The following SDK1 variants were observed in gnomAD, a reference collection of about 807,000 sequenced individuals.
The protein encoded by SDK1 is sidekick cell adhesion molecule 1.
A neutral mutation model predicts 245.5 loss-of-function variants in SDK1; 157 were observed. That is an observed-to-expected ratio of 0.64 (90% CI 0.56 to 0.73). The LOEUF (loss-of-function observed/expected upper bound fraction) is 0.73. Among genes scored for constraint, SDK1 ranks in the 30% least tolerant of loss-of-function variants. SDK1 has a pLI of 0.00. For missense variants in SDK1, 3,583 were observed against 3,002.3 expected, an observed-to-expected ratio of 1.19 and a Z score of -4.52; for synonymous variants, 1,647 against 1,278.5, an observed-to-expected ratio of 1.29 and a Z score of -6.15.
At chr7:3,789,953 G>A (rs1781029569) in intron 4 of SDK1, among the ~76,000 whole-genome samples, 1 of 152,118 alleles carries the variant, frequency 6.6e-6, no homozygotes, top group Admixed American at 6.5e-5. Flanking sequence ...CAGGAGTGGT[G>A]GGAAGTTTAC....
intron 1 of SDK1, among the ~76,000 whole-genome samples, chr7:3,556,215 C>CGAT (rs142806223): frequency 0.25 from 37,990 of 151,848 alleles, 4,960 homozygotes; most frequent in East Asian, 0.36. Context: ...TACATATACA[C>CGAT]GATGGAGTAT....
At chr7:4,262,561 T>C (rs1788087255) in intron 44 of SDK1, among the ~76,000 whole-genome samples, 1 of 151,696 alleles carries the variant, frequency 6.6e-6, no homozygotes, top group Non-Finnish European at 1.5e-5. Context: ...ATTCAGTACC[T>C]GGCCGGGGAG....
intron 19 of SDK1, among the ~76,000 whole-genome samples, chr7:4,053,519 T>C (rs1325712224): frequency 6.6e-6 from 1 of 152,114 alleles, no homozygotes; most frequent in Admixed American, 6.6e-5. Flanking sequence ...CAGGTCTCCC[T>C]CACTCAAAAT....
chr7:4,250,665 T>C (rs1019704575), intron 44 of SDK1, among the ~76,000 whole-genome samples: 3 of 152,188 alleles, frequency 2.0e-5, no homozygotes, highest in African/African-American at 7.2e-5. Flanking sequence ...TTTTTCTGTG[T>C]AGGGTCTAAC....
At chr7:3,787,146 T>TCACACACACACACACACA (rs34838736) in intron 4 of SDK1, among the ~76,000 whole-genome samples, 9 of 137,678 alleles carry the variant, frequency 6.5e-5, no homozygotes, top group African/African-American at 2.2e-4. Flanking sequence ...AGTATTGAAA[T>TCACACACACACACACACA]CACACACACA....
chr7:3,574,317 C>A lies in SDK1; in HGVS notation c.299-44763C>A, dbSNP rs1780216476. Among the ~76,000 whole-genome samples the A allele has an allele frequency of 2.6e-5, 4 of 151,848 alleles. No homozygotes were observed. In the South Asian group the frequency reaches 8.3e-4, roughly 32 times the overall value. Reference sequence around the variant, plus strand: ...ATTTTTAGTAGAGACAGGGTTTCACCATGTTGGCCAGGCTGGTTTCGAACT... The same window carrying A: ...ATTTTTAGTAGAGACAGGGTTTCACAATGTTGGCCAGGCTGGTTTCGAACT... On this transcript the variant is annotated intron_variant, in intron 1 of 44. Coordinates refer to ENST00000404826, the MANE Select transcript of SDK1 (RefSeq NM_152744.4).
intron 4 of SDK1, among the ~76,000 whole-genome samples, chr7:3,795,551 C>T (rs748417400): frequency 2.2e-4 from 33 of 152,236 alleles, no homozygotes; most frequent in Non-Finnish European, 4.1e-4. Flanking sequence ...TGGAAATTTT[C>T]CTTTTACCCC....
chr7:3,607,198 C>G (rs201058513), intron 1 of SDK1, among the ~76,000 whole-genome samples: 20 of 151,904 alleles, frequency 1.3e-4, no homozygotes, highest in African/African-American at 4.8e-4. Flanking sequence ...GCTGCTGCTG[C>G]TGATCATTTC....
chr7:3,769,114 C>T (rs760355020), intron 4 of SDK1, among the ~76,000 whole-genome samples: 6 of 152,160 alleles, frequency 3.9e-5, no homozygotes, highest in Non-Finnish European at 7.3e-5. Flanking sequence ...GAATTGCATG[C>T]ACTTTTAAGA....
At chr7:4,234,951 C>T (rs905647121) in intron 41 of SDK1, among the ~76,000 whole-genome samples, 1 of 152,304 alleles carries the variant, frequency 6.6e-6, no homozygotes, top group East Asian at 1.9e-4. Context: ...GAAGCTGTTC[C>T]TCTCCTCTGC....
intron 17 of SDK1, among the ~76,000 whole-genome samples, chr7:4,048,301 G>A (rs986580164): frequency 1.3e-5 from 2 of 152,114 alleles, no homozygotes; most frequent in East Asian, 1.9e-4. Flanking sequence ...TGGTGCAGCC[G>A]GAGGCTTGGC....
chr7:3,451,529 A>G (rs1780514178), intron 1 of SDK1, among the ~76,000 whole-genome samples: 1 of 151,502 alleles, frequency 6.6e-6, no homozygotes, highest in African/African-American at 2.4e-5. Flanking sequence ...TGTGATCAAA[A>G]TGACGTCAGT....
chr7:3,394,970 T>C (rs1041849734), intron 1 of SDK1, among the ~76,000 whole-genome samples: 1 of 152,094 alleles, frequency 6.6e-6, no homozygotes, highest in East Asian at 1.9e-4. Context: ...TTTACCACTT[T>C]CTTTACAAAC....
rs367847799 is a variant in SDK1 at position 3,430,273 on chromosome 7, C to A, written c.298+128389C>A. 3.9e-5 allele frequency among the ~76,000 whole-genome samples: 6 copies of A among 152,176 alleles called. No individual in the cohort carries two copies. The South Asian group carries it at 6.2e-4, about 16-fold the overall frequency. Reference sequence around the variant, plus strand: ...CCAGGTGCAGTTTCTCTGACCATATCAATGTTCTTAATTTTTTTTTGAGGG... The same window carrying A: ...CCAGGTGCAGTTTCTCTGACCATATAAATGTTCTTAATTTTTTTTTGAGGG... On this transcript the variant is annotated intron_variant, in intron 1 of 44. Transcript: ENST00000404826.
At chr7:3,357,327 T>A (rs1358261788) in intron 1 of SDK1, among the ~76,000 whole-genome samples, 1 of 71,966 alleles carries the variant, frequency 1.4e-5, no homozygotes, top group Admixed American at 1.6e-4. Flanking sequence ...CTTCTTTTAG[T>A]GTTTTTTTTT....
At chr7:3,677,493 C>G (rs1783941696) in intron 4 of SDK1, among the ~76,000 whole-genome samples, 1 of 152,088 alleles carries the variant, frequency 6.6e-6, no homozygotes, top group South Asian at 2.1e-4. Flanking sequence ...AAGGGAATTC[C>G]CATTTATAAA....
chr7:3,309,542 T>TTA (rs1554256117), intron 1 of SDK1, among the ~76,000 whole-genome samples: 12 of 148,656 alleles, frequency 8.1e-5, no homozygotes, highest in Admixed American at 3.4e-4. Context: ...TTTTTTTTTT[T>TTA]ACATGAGTGT....
At chr7:3,792,704 CCA>C (rs1778841709) in intron 4 of SDK1, among the ~76,000 whole-genome samples, 2 of 148,412 alleles carry the variant, frequency 1.3e-5, no homozygotes, top group African/African-American at 5.2e-5. Context: ...ATCCATCCAT[CCA>C]TCCATCCATC....
In SDK1 at chr7:3,962,720, C is replaced by T; in HGVS notation, c.1298C>T (p.Pro433Leu). The stretch of plus-strand genomic sequence containing the variant: ...ATCTCCATCAGCAGGCTCCAGAATC[C>T]TCGATACAAAGTGCTCGCCAGCGGA... Reference protein sequence around the residue: ...DAISISRLQNPRYKVLASGGL... With the variant: ...DAISISRLQNLRYKVLASGGL... The change falls in exon 9 of 45, where the codon CCT becomes CTT. Residue 433 changes from proline to leucine, a missense_variant. By Grantham distance (98) the Pro-to-Leu change is moderately conservative. Coordinates refer to ENST00000404826, the MANE Select transcript of SDK1 (RefSeq NM_152744.4). The T allele has an allele frequency of 6.2e-7, 1 of 1,613,820 alleles. No homozygotes were observed. The highest frequency in any genetic ancestry group is 8.5e-7 in the Non-Finnish European group (1 of 1,179,882).
Sources: allele counts gnomAD v4.1 joint callset (sites outside exome capture counted in the v4.1 genomes callset), GRCh38; gene constraint gnomAD v4.1.1; transcripts MANE v1.5; gene names NCBI Gene and HGNC (gene_info 2026-07-23, HGNC 2026-07-21).